The following AFF4 variants were observed in gnomAD, a reference collection of about 807,000 sequenced individuals.
AFF4 encodes the protein ALF transcription elongation factor 4, also known as AF4/FMR2 family member 4.
AFF4 carries 13 observed loss-of-function variants against 124.8 expected under a neutral mutation model. That is an observed-to-expected ratio of 0.10 (90% CI 0.07 to 0.17). The LOEUF (loss-of-function observed/expected upper bound fraction) is 0.17. AFF4 is among the 10% of genes least tolerant of loss of function. The pLI, the probability that AFF4 is intolerant of heterozygous loss-of-function variation, is 1.00. For synonymous variants in AFF4, 477 were observed against 496.1 expected (o/e 0.96, Z 0.51); for missense variants, 1,092 against 1,403.8 (o/e 0.78, Z 3.55).
intron 1 of AFF4, among the ~76,000 whole-genome samples, chr5:132,962,700 C>T (rs1026009017): frequency 6.6e-6 from 1 of 151,898 alleles, no homozygotes; most frequent in African/African-American, 2.4e-5. Flanking sequence ...AACTAGGTAA[C>T]AGACCGATTC....
intron 5 of AFF4, among the ~76,000 whole-genome samples, chr5:132,912,112 G>A (rs1447320573): frequency 1.3e-5 from 2 of 151,250 alleles, no homozygotes; most frequent in African/African-American, 2.4e-5. Flanking sequence ...CAGCACTTTG[G>A]GAGGTGGAGG....
At chr5:132,919,549 C>G (rs79000033) in intron 5 of AFF4, among the ~76,000 whole-genome samples, 8,859 of 152,038 alleles carry the variant, frequency 0.058, 699 homozygotes, top group African/African-American at 0.18. Context: ...AAACCTAAAA[C>G]TATAAAAAAA....
chr5:132,946,759 A>G (rs1456171057), intron 1 of AFF4, among the ~76,000 whole-genome samples: 1 of 152,254 alleles, frequency 6.6e-6, no homozygotes, highest in Non-Finnish European at 1.5e-5. Flanking sequence ...TGAATTGTAT[A>G]TGTAAAATTA....
intron 4 of AFF4, among the ~76,000 whole-genome samples, chr5:132,928,710 T>C (rs367681428): frequency 6.6e-6 from 1 of 152,158 alleles, no homozygotes; most frequent in Non-Finnish European, 1.5e-5. Flanking sequence ...ACTGTTGATA[T>C]GTAATGATGT....
chr5:132,900,036 T>TA (rs1052485335), intron 7 of AFF4, among the ~76,000 whole-genome samples: 1 of 152,166 alleles, frequency 6.6e-6, no homozygotes, highest in Admixed American at 6.5e-5. Context: ...AGAAGGAAGA[T>TA]AAAATGAAAG....
At chr5:132,891,130 CA>C in intron 13 of AFF4, among the ~76,000 whole-genome samples, 1 of 152,038 alleles carries the variant, frequency 6.6e-6, no homozygotes, top group East Asian at 1.9e-4. Context: ...AAACCATCAG[CA>C]GGCAGATGGA....
intron 9 of AFF4, 145 bp from the exon 10 acceptor site, chr5:132,898,537 G>C (rs1760469848): frequency 2.5e-6 from 2 of 812,270 alleles, no homozygotes; most frequent in Non-Finnish European, 3.7e-6. Context: ...AGGCTGGAAT[G>C]CAGTGGCACG....
chr5:132,923,254 G>C lies in AFF4; in HGVS notation c.1050+3867C>G, dbSNP rs1761093131. On this transcript the variant is annotated intron_variant, in intron 5 of 20. Transcript: ENST00000265343. ...TAGTTCCCGCTACTCAGGAGGCTGA[G>C]GCAGGAGGATCACTTGAGCCTGGGA... Among the ~76,000 whole-genome samples the C allele has an allele frequency of 2.0e-5, 3 of 151,966 alleles. 1 individual carries two copies. Among genetic ancestry groups the C allele is most frequent in the South Asian group, 4.2e-4 (2 of 4,818 alleles).
intron 4 of AFF4, among the ~76,000 whole-genome samples, chr5:132,929,827 G>A (rs1321215862): frequency 6.6e-6 from 1 of 152,180 alleles, no homozygotes. Flanking sequence ...AGGGCCTGAA[G>A]TAAAGAATCA....
chr5:132,958,550 A>C (rs1383494373), intron 1 of AFF4, among the ~76,000 whole-genome samples: 1 of 152,008 alleles, frequency 6.6e-6, no homozygotes, highest in Non-Finnish European at 1.5e-5. Context: ...TGGGGTGAAG[A>C]ATTAACCAAA....
chr5:132,885,075 C>T lies in AFF4; in HGVS notation c.3143+1G>A. On this transcript the variant is annotated splice_donor_variant, in intron 19 of 20. Transcript: ENST00000265343. LOFTEE classifies it high-confidence loss of function. ...ATTTTACATAATAAAATTTTACCTA[C>T]CTTCCCAAGCCAGGCGATGGTGCTT... 1 of 1,593,274 alleles carries T rather than the reference C, an allele frequency of 6.3e-7. No individual in the cohort carries two copies. The highest frequency in any genetic ancestry group is 1.3e-5 in the African/African-American group (1 of 74,122).
intron 17 of AFF4, among the ~76,000 whole-genome samples, chr5:132,886,789 A>G (rs1173959679): frequency 6.6e-6 from 1 of 152,222 alleles, no homozygotes; most frequent in African/African-American, 2.4e-5. Flanking sequence ...CATAGCTTAT[A>G]AAGACCGTGC....
intron 1 of AFF4, among the ~76,000 whole-genome samples, chr5:132,956,322 T>C (rs1335952090): frequency 6.6e-6 from 1 of 152,076 alleles, no homozygotes; most frequent in East Asian, 1.9e-4. Context: ...AAAACTTTAT[T>C]TATGGACATT....
chr5:132,896,460 T>A lies in AFF4; in HGVS notation c.2170A>T (p.Thr724Ser), dbSNP rs763877762. The stretch of plus-strand genomic sequence containing the variant: ...TTGTAAGGCTTTCCTGGTATTCTAG[T>A]CAAAAGATTCAGGTCAATCTTCACA... Reference protein sequence around the residue: ...LIVKIDLNLLTRIPGKPYKET... With the variant: ...LIVKIDLNLLSRIPGKPYKET... The change falls in exon 11 of 21, where the codon ACT becomes TCT. Residue 724 changes from threonine (T) to serine (S), a missense_variant. Physicochemically the swap from Thr to Ser is moderately conservative, Grantham distance 58. Coordinates refer to ENST00000265343, the MANE Select transcript of AFF4 (RefSeq NM_014423.4). The A allele has an allele frequency of 6.2e-7, 1 of 1,614,200 alleles. No homozygotes were observed.
intron 5 of AFF4, among the ~76,000 whole-genome samples, chr5:132,919,484 T>C (rs528393259): frequency 3.3e-4 from 51 of 152,352 alleles, no homozygotes; most frequent in Non-Finnish European, 6.6e-4. Flanking sequence ...CTTCATTCCA[T>C]ATATTGTAAC....
At chr5:132,938,941 C>CAAAAA (rs762784790) in intron 1 of AFF4, among the ~76,000 whole-genome samples, 22 of 38,320 alleles carry the variant, frequency 5.7e-4, no homozygotes, top group East Asian at 1.0e-3. Flanking sequence ...AGACTCATCT[C>CAAAAA]AAAAAAAAAA....
rs1259299926 is a variant in AFF4 at position 132,902,442 on chromosome 5, G to T, written c.1133C>A (p.Ser378Tyr). Residue 378 changes from serine (S) to tyrosine (Y), a missense_variant and splice_region_variant, in exon 7 of 21, where the codon TCT becomes TAT. This residue lies in a region of AFF4 where 148 missense variants were observed against 196.3 expected (regional missense o/e 0.75). Coordinates refer to ENST00000265343, the MANE Select transcript of AFF4 (RefSeq NM_014423.4). The stretch of plus-strand genomic sequence containing the variant: ...TAAACTCATTAAGCAATAAACTTAC[G>T]ATTTAGACTGGTGCCCATTTGAAGT... ...SKTSNGHQSK[S>Y]MLKDDLKLSS... 6.2e-7 allele frequency: 1 copy of T among 1,603,518 alleles called. No homozygotes were observed. The highest frequency in any genetic ancestry group is 8.5e-7 in the Non-Finnish European group (1 of 1,170,682).
intron 3 of AFF4, among the ~76,000 whole-genome samples, chr5:132,933,833 ATTG>A (rs1483368062): frequency 6.6e-6 from 1 of 152,238 alleles, no homozygotes; most frequent in Non-Finnish European, 1.5e-5. Context: ...ACAAAGGTAT[ATTG>A]TTCTATAAAA....
intron 1 of AFF4, among the ~76,000 whole-genome samples, chr5:132,941,014 GAAACTACATCTCAAA>G (rs1296404383): frequency 1.4e-5 from 2 of 142,468 alleles, no homozygotes; most frequent in South Asian, 4.5e-4. Flanking sequence ...GTGACAAAAC[GAAACTACATCTCAAA>G]AAAAAAAAAG....
Sources: gnomAD v4.1 joint callset for allele counts (sites outside exome capture counted in the v4.1 genomes callset) on GRCh38, gnomAD v4.1.1 for gene constraint, gnomAD v4.1.1 regional missense constraint, MANE v1.5 for transcripts, NCBI Gene and HGNC (gene_info 2026-07-23, HGNC 2026-07-21) for gene names.